Variants in INTU observed in about 807,000 individuals in gnomAD.
INTU encodes the protein inturned planar cell polarity protein, also known as protein inturned.
Under a neutral mutation model 100.5 loss-of-function variants are expected in INTU, and 68 were observed. The observed-to-expected ratio is 0.68, with a 90% CI of 0.56 to 0.83. The LOEUF (loss-of-function observed/expected upper bound fraction) is 0.83, where lower values mean the gene tolerates loss of function less well. INTU is among the 40% of genes least tolerant of loss of function. The probability of loss-of-function intolerance (pLI) is 0.00; values close to 1 mark genes in which losing one functional copy is unlikely to be tolerated. For synonymous variants in INTU, 357 were observed against 395.7 expected, an observed-to-expected ratio of 0.90 and a Z score of 1.16; for missense variants, 1,071 against 1,114.7, an observed-to-expected ratio of 0.96 and a Z score of 0.56.
At chr4:127,710,837 A>G (rs1474214290) in intron 13 of INTU, 76 bp from the exon 14 acceptor site, 3 of 880,986 alleles carry the variant, frequency 3.4e-6, no homozygotes, top group Non-Finnish European at 4.8e-6. Context: ...GAAGTCTACT[A>G]AATTCAAAAT....
intron 10 of INTU, among the ~76,000 whole-genome samples, chr4:127,704,656 G>A (rs1267691926): frequency 1.3e-5 from 2 of 152,028 alleles, no homozygotes; most frequent in African/African-American, 4.8e-5. Context: ...AATATTTATG[G>A]TTTCATTGCA....
In INTU at chr4:127,669,232, A is replaced by G. The variant is rs1156461896; in HGVS notation, c.1091+78A>G. The G allele has an allele frequency of 5.9e-6, 4 of 673,058 alleles. No homozygotes were observed. In the African/African-American group the frequency reaches 7.2e-5, roughly 12 times the overall value. The allele number at this position is 673,058 out of a possible 1,614,324, so 41.7% of individuals were successfully genotyped here. A position where few individuals can be genotyped will look rare whatever the true frequency, so the allele number is the denominator to read the frequency against. On this transcript the variant is annotated intron_variant, in intron 5 of 15. Transcript: ENST00000335251. ...ACCCTGACAAAATGCTAAAACAAGTATCTGGTATACAAATATACTTGTATC... is the reference window on the plus strand; with the variant it reads ...ACCCTGACAAAATGCTAAAACAAGTGTCTGGTATACAAATATACTTGTATC...
chr4:127,655,813 TC>T (rs1371024912), intron 2 of INTU, among the ~76,000 whole-genome samples: 6 of 152,120 alleles, frequency 3.9e-5, no homozygotes, highest in African/African-American at 1.4e-4. Flanking sequence ...GGGGCGCCCC[TC>T]CCCCAGCCTC....
intron 3 of INTU, 87 bp from the exon 4 acceptor site, chr4:127,663,294 G>A (rs1025651370): frequency 3.4e-6 from 3 of 884,246 alleles, no homozygotes; most frequent in African/African-American, 1.7e-5. Context: ...ATACCTGGGT[G>A]TATGTACATG....
intron 8 of INTU, among the ~76,000 whole-genome samples, chr4:127,698,940 A>G (rs1730518068): frequency 6.6e-6 from 1 of 152,222 alleles, no homozygotes; most frequent in African/African-American, 2.4e-5. Context: ...AGAAAAATGT[A>G]GGTCACAAAT....
In INTU at chr4:127,687,672, C is replaced by G. The variant is rs1166704381; in HGVS notation, c.1260-6C>G. The G allele has an allele frequency of 1.2e-6, 2 of 1,603,824 alleles. No individual in the cohort carries two copies. Among genetic ancestry groups the G allele is most frequent in the Non-Finnish European group, 1.7e-6 (2 of 1,172,142 alleles). On this transcript the variant is annotated splice_region_variant and splice_polypyrimidine_tract_variant and intron_variant, in intron 7 of 15. Transcript: ENST00000335251. ...TCGTTCTAACTTACAGCTCTTATTTCTCCAGTGCCTTTTGCCAGATTGAGA... is the reference window on the plus strand; with the variant it reads ...TCGTTCTAACTTACAGCTCTTATTTGTCCAGTGCCTTTTGCCAGATTGAGA...
chr4:127,698,189 T>A (rs1221143688), intron 8 of INTU, among the ~76,000 whole-genome samples: 1 of 151,832 alleles, frequency 6.6e-6, no homozygotes, highest in Non-Finnish European at 1.5e-5. Flanking sequence ...TCCCAGCACT[T>A]TGGGAGTACA....
intron 6 of INTU, 120 bp from the exon 7 acceptor site, chr4:127,684,289 A>C: frequency 1.6e-6 from 1 of 615,862 alleles, no homozygotes; most frequent in Non-Finnish European, 2.9e-6. Flanking sequence ...AGCTTTACTC[A>C]GAGTTGACAC....
chr4:127,655,233 A>G (rs1728129583), intron 2 of INTU, among the ~76,000 whole-genome samples: 1 of 152,112 alleles, frequency 6.6e-6, no homozygotes, highest in Non-Finnish European at 1.5e-5. Context: ...CGTCAAAGTC[A>G]TTCTCCATCC....
intron 14 of INTU, among the ~76,000 whole-genome samples, chr4:127,712,448 T>C (rs1327040102): frequency 6.6e-6 from 1 of 152,184 alleles, no homozygotes; most frequent in East Asian, 1.9e-4. Context: ...AAATTAGTTT[T>C]CCCCATCTTA....
chr4:127,687,004 T>G (rs1031095083), intron 7 of INTU: 4 of 152,254 alleles, frequency 2.6e-5, no homozygotes, highest in African/African-American at 7.2e-5. Flanking sequence ...ATTTCGGTTT[T>G]TTCTGTCATT....
chr4:127,651,386 G>A (rs1263433580), intron 2 of INTU, among the ~76,000 whole-genome samples: 9 of 152,078 alleles, frequency 5.9e-5, no homozygotes, highest in African/African-American at 2.2e-4. Flanking sequence ...ATCTTGAATT[G>A]ATTTTTGTAT....
intron 2 of INTU, among the ~76,000 whole-genome samples, chr4:127,644,366 C>T (rs977084576): frequency 6.6e-6 from 1 of 151,982 alleles, no homozygotes; most frequent in Admixed American, 6.6e-5. Context: ...AGAAAAAAAA[C>T]GTTGATCATA....
chr4:127,655,271 T>G (rs1728132766), intron 2 of INTU, among the ~76,000 whole-genome samples: 1 of 152,236 alleles, frequency 6.6e-6, no homozygotes, highest in Non-Finnish European at 1.5e-5. Flanking sequence ...GGTGAGGAAC[T>G]GCGTTCCGTT....
chr4:127,705,340 G>A (rs1046388297), intron 10 of INTU, among the ~76,000 whole-genome samples: 5 of 152,146 alleles, frequency 3.3e-5, no homozygotes, highest in Admixed American at 1.3e-4. Flanking sequence ...GTCAAATACT[G>A]AAGCTATGCT....
intron 6 of INTU, among the ~76,000 whole-genome samples, chr4:127,675,606 G>A (rs1374836038): frequency 6.6e-6 from 1 of 152,182 alleles, no homozygotes; most frequent in Non-Finnish European, 1.5e-5. Context: ...CTTTTCTTGA[G>A]GTTACAGTCC....
chr4:127,715,304 AG>A (rs1050438754), intron 15 of INTU, among the ~76,000 whole-genome samples: 17 of 152,152 alleles, frequency 1.1e-4, no homozygotes, highest in African/African-American at 3.4e-4. Flanking sequence ...GGTGGAGGAA[AG>A]GGCACAGAAT....
intron 6 of INTU, among the ~76,000 whole-genome samples, chr4:127,678,159 C>G (rs1729325003): frequency 1.3e-5 from 2 of 152,070 alleles, no homozygotes; most frequent in East Asian, 3.8e-4. Context: ...AGAATGGAAC[C>G]AAGTTGGAAA....
At chr4:127,700,704 A>G (rs749931589) in intron 9 of INTU, among the ~76,000 whole-genome samples, 7 of 152,076 alleles carry the variant, frequency 4.6e-5, no homozygotes, top group African/African-American at 7.2e-5. Flanking sequence ...TTGAACATCT[A>G]TAAGGAAATA....
Sources: allele counts gnomAD v4.1 joint callset (sites outside exome capture counted in the v4.1 genomes callset), GRCh38; gene constraint gnomAD v4.1.1; transcripts MANE v1.5; gene names NCBI Gene and HGNC (gene_info 2026-07-23, HGNC 2026-07-21).